The following ERCC6 variants were observed in gnomAD, a reference collection of about 807,000 sequenced individuals.
ERCC6 encodes the protein DNA excision repair protein ERCC-6.
ERCC6 carries 116 observed loss-of-function variants against 158.7 expected under a neutral mutation model. The observed-to-expected ratio is 0.73, with a 90% CI of 0.63 to 0.85. ERCC6 has a LOEUF of 0.85. Ranked by LOEUF, ERCC6 falls within the 40% of genes least tolerant of loss-of-function variation. The pLI is 0.00. For synonymous variants in ERCC6, 678 were observed against 659.3 expected, an observed-to-expected ratio of 1.03 and a Z score of -0.43; for missense variants, 1,698 against 1,799.4, an observed-to-expected ratio of 0.94 and a Z score of 1.02.
In ERCC6 at chr10:49,457,432, A is replaced by C. The variant is rs886047023; in HGVS notation, c.*1383T>G. 2.6e-5 allele frequency: 4 copies of C among 152,236 alleles called. No homozygotes were observed. The highest frequency in any genetic ancestry group is 4.8e-5 in the African/African-American group (2 of 41,460). 9.4% of individuals were successfully genotyped at this position (152,236 alleles called of 1,614,324 possible). The stretch of plus-strand genomic sequence containing the variant: ...GAAAAGGATTCTTGGCTTAAGCAAA[A>C]TATTAGAGCAGAGAAAGCAAAACTC... On this transcript the variant is annotated 3_prime_UTR_variant, in exon 21 of 21. Coordinates refer to ENST00000355832, the MANE Select transcript of ERCC6 (RefSeq NM_000124.4).
At chr10:49,488,967 G>T (rs753484284) in intron 8 of ERCC6, among the ~76,000 whole-genome samples, 2 of 152,084 alleles carry the variant, frequency 1.3e-5, no homozygotes, top group Non-Finnish European at 2.9e-5. Context: ...TGTATTTTTA[G>T]TAGAGACGGG....
chr10:49,539,334 G>A (rs1408028589), upstream of ERCC6: 1 of 152,328 alleles, frequency 6.6e-6, no homozygotes, highest in African/African-American at 2.4e-5. Flanking sequence ...ATATTTCCAC[G>A]TAGAGGGGGA....
intron 1 of ERCC6, among the ~76,000 whole-genome samples, chr10:49,535,827 G>A (rs1266795045): frequency 6.6e-6 from 1 of 151,348 alleles, no homozygotes; most frequent in Non-Finnish European, 1.5e-5. Flanking sequence ...ATTTACCTTG[G>A]TAAAAGAAGT....
intron 8 of ERCC6, among the ~76,000 whole-genome samples, chr10:49,489,039 T>C (rs1851127234): frequency 6.6e-6 from 1 of 152,182 alleles, no homozygotes; most frequent in Non-Finnish European, 1.5e-5. Context: ...GGCCTCAGCC[T>C]CCCAAAGTGC....
At chr10:49,521,739 G>A (rs950820127) in intron 5 of ERCC6, among the ~76,000 whole-genome samples, 4 of 152,158 alleles carry the variant, frequency 2.6e-5, no homozygotes, top group South Asian at 2.1e-4. Context: ...GGGAATACAC[G>A]GTTTGAAAAA....
chr10:49,454,068 C>T (rs181121867), downstream of ERCC6, among the ~76,000 whole-genome samples: 41 of 152,252 alleles, frequency 2.7e-4, no homozygotes, highest in Admixed American at 2.4e-3. Flanking sequence ...CTTGTACTCC[C>T]ATTACATGCA....
intron 18 of ERCC6, among the ~76,000 whole-genome samples, chr10:49,468,007 C>T (rs767074554): frequency 4.6e-5 from 7 of 152,156 alleles, no homozygotes; most frequent in Non-Finnish European, 8.8e-5. Context: ...AGAGGCAAGA[C>T]CCCCTACTCT....
rs903050716 is a variant in ERCC6 at position 49,524,376 on chromosome 10, T to C, written c.1054A>G (p.Arg352Gly). 8 of 1,614,224 alleles carry C rather than the reference T, an allele frequency of 5.0e-6. No homozygotes were observed. The Admixed American group carries it at 1.0e-4, about 20-fold the overall frequency. ...CTCATGTCTGACTCCCAAGGTCTCCTTGCCTTTGGCAATCCCACTTTCCCC... is the reference window on the plus strand; with the variant it reads ...CTCATGTCTGACTCCCAAGGTCTCCCTGCCTTTGGCAATCCCACTTTCCCC... Reference protein sequence around the residue: ...FQGKVGLPKARRPWESDMRPE... With the variant: ...FQGKVGLPKAGRPWESDMRPE... Residue 352 changes from arginine to glycine, a missense_variant, in exon 5 of 21, where the codon AGG (arginine) becomes GGG (glycine). Coordinates refer to ENST00000355832, the MANE Select transcript of ERCC6 (RefSeq NM_000124.4).
intron 5 of ERCC6, among the ~76,000 whole-genome samples, chr10:49,508,126 A>G (rs1162051770): frequency 6.6e-6 from 1 of 152,216 alleles, no homozygotes; most frequent in East Asian, 1.9e-4. Context: ...AAACTTGTGG[A>G]TAACATAAAC....
At chr10:49,488,221 A>G (rs774918108) in intron 8 of ERCC6, 1 of 213,170 alleles carries the variant, frequency 4.7e-6, no homozygotes, top group South Asian at 9.4e-5. Context: ...ATGGAGGCTC[A>G]AGAGACCAAT....
intron 10 of ERCC6, 120 bp from the exon 11 acceptor site, chr10:49,478,590 G>A (rs554414580): frequency 1.3e-6 from 1 of 746,544 alleles, no homozygotes; most frequent in African/African-American, 1.8e-5. Flanking sequence ...GCTGTATAAA[G>A]TCAGTGGGAA....
chr10:49,439,667 C>T, the ERCC6 span, among the ~76,000 whole-genome samples: 105 of 152,306 alleles, frequency 6.9e-4, no homozygotes, highest in Admixed American at 1.8e-3. Context: ...TTTTCTATCA[C>T]ATTGTCAGGC....
chr10:49,449,133 T>C, the ERCC6 span, among the ~76,000 whole-genome samples: 429 of 152,354 alleles, frequency 2.8e-3, 1 homozygote, highest in African/African-American at 9.9e-3. Context: ...CAATCTCTTG[T>C]CAACACTTGT....
At position 49,470,907 on chromosome 10, in the gene ERCC6, A is replaced by C. The variant is rs759558706; in HGVS notation, c.3071-18T>G. ...TCCAGTTCCTGTAAAGAGGAAAAAC[A>C]CCACTAATACTATATTGTATCATCT... On this transcript the variant is annotated intron_variant, in intron 17 of 20. Coordinates refer to ENST00000355832, the MANE Select transcript of ERCC6 (RefSeq NM_000124.4). 9.3e-6 allele frequency: 15 copies of C among 1,613,388 alleles called. No homozygotes were observed. The highest frequency in any genetic ancestry group is 1.6e-4 in the Middle Eastern group (1 of 6,062).
intron 5 of ERCC6, among the ~76,000 whole-genome samples, chr10:49,513,856 C>CT (rs542257130): frequency 0.011 from 1,615 of 144,136 alleles, 12 homozygotes; most frequent in African/African-American, 0.015. Context: ...CTCTCTCTCT[C>CT]TTTTTTTTTT....
At chr10:49,472,647 C>T (rs1850801706) in intron 15 of ERCC6, 177 bp from the exon 16 acceptor site, 5 of 743,120 alleles carry the variant, frequency 6.7e-6, no homozygotes, top group Non-Finnish European at 1.1e-5. Flanking sequence ...GAAAAGACAT[C>T]TCTACTTGAA....
chr10:49,460,055 T>G, intron 20 of ERCC6: 1 of 425,810 alleles, frequency 2.3e-6, no homozygotes, highest in Non-Finnish European at 4.4e-6. Flanking sequence ...CAGAGGGTTG[T>G]GGTCTCTGGA....
chr10:49,472,444 G>C lies in ERCC6; in HGVS notation c.2856C>G (p.Gly952=). 1 of 1,614,020 alleles carries C rather than the reference G, an allele frequency of 6.2e-7. No individual in the cohort carries two copies. The highest frequency in any genetic ancestry group is 1.1e-5 in the South Asian group (1 of 91,082). The part of the protein sequence containing the change: ...TQARERAWRI[G]QKKQVTVYRL... ...TGTACACAGTCACTTGCTTCTTCTGGCCTATTCTCCATGCTCGCTCCCGGG... is the reference window on the plus strand; with the variant it reads ...TGTACACAGTCACTTGCTTCTTCTGCCCTATTCTCCATGCTCGCTCCCGGG... Residue 952 remains glycine (G), a synonymous_variant, in exon 16 of 21, where the codon GGC becomes GGG. Transcript: ENST00000355832.
chr10:49,527,431 T>C (rs1439793990), intron 4 of ERCC6, among the ~76,000 whole-genome samples: 3 of 152,226 alleles, frequency 2.0e-5, no homozygotes, highest in African/African-American at 4.8e-5. Context: ...TCCCAGTACT[T>C]TGGGAGGCCA....
Sources: gnomAD v4.1 joint callset for allele counts (sites outside exome capture counted in the v4.1 genomes callset) on GRCh38, gnomAD v4.1.1 for gene constraint, MANE v1.5 for transcripts, NCBI Gene and HGNC (gene_info 2026-07-23, HGNC 2026-07-21) for gene names.